The following CTNNA1 variants were observed in gnomAD, a reference collection of about 807,000 sequenced individuals.
CTNNA1 encodes catenin alpha 1.
In CTNNA1, 37 loss-of-function variants were observed where a neutral mutation model predicts 98.4. That is an observed-to-expected ratio of 0.38 (90% confidence interval 0.29 to 0.49). The LOEUF (loss-of-function observed/expected upper bound fraction) is 0.49. Among genes scored for constraint, CTNNA1 ranks in the 20% least tolerant of loss-of-function variants. The pLI, the probability that CTNNA1 is intolerant of heterozygous loss-of-function variation, is 0.95. For synonymous variants in CTNNA1, 404 were observed against 413.2 expected (o/e 0.98, Z 0.27); for missense variants, 761 against 1,147.2 (o/e 0.66, Z 4.86).
chr5:138,866,033 G>T (rs1363240503), intron 7 of CTNNA1, among the ~76,000 whole-genome samples: 1 of 152,150 alleles, frequency 6.6e-6, no homozygotes, highest in Non-Finnish European at 1.5e-5. Context: ...TGCAGAGGCT[G>T]GGTGTGGTGG....
chr5:138,785,130 C>T (rs1479144265), intron 3 of CTNNA1, among the ~76,000 whole-genome samples: 1 of 146,592 alleles, frequency 6.8e-6, no homozygotes, highest in African/African-American at 2.5e-5. Flanking sequence ...GGCGGGATCT[C>T]GGCTCACTTC....
chr5:138,925,479 T>G (rs1311078437), intron 13 of CTNNA1, 72 bp downstream of exon 13: 3 of 1,561,106 alleles, frequency 1.9e-6, no homozygotes, highest in African/African-American at 1.4e-5. Flanking sequence ...AATGCGTCAT[T>G]CTAGAACTCG....
chr5:138,754,681 T>C (rs912985120), intron 1 of CTNNA1: 2 of 152,250 alleles, frequency 1.3e-5, no homozygotes, highest in African/African-American at 4.8e-5. Flanking sequence ...GGATGTGTTA[T>C]TTTGTTTTAC....
intron 6 of CTNNA1, among the ~76,000 whole-genome samples, chr5:138,825,500 G>GTTTTTTTTTTTTTTTTTTTTT (rs1274199102): frequency 7.7e-5 from 1 of 12,912 alleles, no homozygotes; most frequent in East Asian, 0.026. Flanking sequence ...TTTTTTTTTA[G>GTTTTTTTTTTTTTTTTTTTTT]GGCTTTAAAA....
chr5:138,789,309 A>G (rs1347237194), intron 3 of CTNNA1, among the ~76,000 whole-genome samples: 1 of 152,178 alleles, frequency 6.6e-6, no homozygotes, highest in Admixed American at 6.5e-5. Context: ...TTGAGCTTGC[A>G]CTGGATCTTG....
intron 4 of CTNNA1, 137 bp from the exon 5 acceptor site, chr5:138,812,046 C>G (rs1758870075): frequency 1.5e-6 from 1 of 674,640 alleles, no homozygotes; most frequent in East Asian, 2.7e-5. Context: ...TGTTAGAAGA[C>G]CATGCGCAAA....
chr5:138,891,997 A>G (rs1755474095), intron 9 of CTNNA1, among the ~76,000 whole-genome samples: 1 of 152,184 alleles, frequency 6.6e-6, no homozygotes, highest in South Asian at 2.1e-4. Flanking sequence ...AAAGAATGCA[A>G]CTGTTTGTCT....
chr5:138,810,009 C>T (rs2149726812), intron 3 of CTNNA1, 29 bp from the exon 4 acceptor site: 1 of 1,572,390 alleles, frequency 6.4e-7, no homozygotes, highest in Non-Finnish European at 8.7e-7. Context: ...TTCATTCTTG[C>T]TGAGTTTGTT....
chr5:138,889,201 G>A (rs752858961), intron 9 of CTNNA1, among the ~76,000 whole-genome samples: 2 of 152,156 alleles, frequency 1.3e-5, no homozygotes, highest in Non-Finnish European at 2.9e-5. Context: ...CCAGCCCAAG[G>A]CCTTGGGTAC....
At chr5:138,753,582 T>C in intron 1 of CTNNA1, 72 bp downstream of exon 1, 1 of 345,332 alleles carries the variant, frequency 2.9e-6, no homozygotes, top group Non-Finnish European at 5.2e-6. Context: ...GGCCGGGCCG[T>C]CCCAAGCTGG....
At chr5:138,817,138 C>T (rs1366074982) in intron 5 of CTNNA1, among the ~76,000 whole-genome samples, 1 of 152,210 alleles carries the variant, frequency 6.6e-6, no homozygotes, top group Non-Finnish European at 1.5e-5. Flanking sequence ...GTTGGCTCTT[C>T]ACTCTGTTGA....
At chr5:138,881,179 C>G (rs375054824) in intron 7 of CTNNA1, 3 of 452,572 alleles carry the variant, frequency 6.6e-6, no homozygotes, top group East Asian at 1.4e-4. Context: ...ATGCTTGTTG[C>G]GTTTGTCTGT....
chr5:138,759,980 C>CTTCTTTTTTTT (rs1752136893), intron 1 of CTNNA1, among the ~76,000 whole-genome samples: 1 of 61,232 alleles, frequency 1.6e-5, no homozygotes, highest in African/African-American at 7.8e-5. Flanking sequence ...AATTTCTTTC[C>CTTCTTTTTTTT]TTTTTTTTTT....
chr5:138,886,103 A>G, intron 7 of CTNNA1, 109 bp from the exon 8 acceptor site: 1 of 1,236,830 alleles, frequency 8.1e-7, no homozygotes, highest in Non-Finnish European at 1.1e-6. Flanking sequence ...CTTTGAGTTT[A>G]AGAAGTTGTA....
At chr5:138,785,700 A>G (rs973890771) in intron 3 of CTNNA1, among the ~76,000 whole-genome samples, 2 of 152,306 alleles carry the variant, frequency 1.3e-5, no homozygotes, top group East Asian at 3.9e-4. Context: ...AGCTGGGATT[A>G]CAGGCATATG....
rs1580983970 is a variant in CTNNA1, at chr5:138,783,191, A to T, written c.120A>T (p.Val40=). Residue 40 remains valine, a synonymous_variant, in exon 3 of 18, where the codon GTA becomes GTT. Coordinates refer to ENST00000302763, the MANE Select transcript of CTNNA1 (RefSeq NM_001903.5). Reference sequence around the variant, plus strand: ...GAAACTTTTAGGTTACAACCCTTGTAAACACCAATAGTAAAGGGCCCTCTA... The same window carrying T: ...GAAACTTTTAGGTTACAACCCTTGTTAACACCAATAGTAAAGGGCCCTCTA... ...EPLVTQVTTL[V]NTNSKGPSNK... 19 of 1,607,302 alleles carry T rather than the reference A, an allele frequency of 1.2e-5. No homozygotes were observed. Among genetic ancestry groups the T allele is most frequent in the Non-Finnish European group, 1.6e-5 (19 of 1,176,784 alleles).
intron 7 of CTNNA1, among the ~76,000 whole-genome samples, chr5:138,835,920 A>G (rs1410677760): frequency 6.6e-6 from 1 of 152,184 alleles, no homozygotes; most frequent in African/African-American, 2.4e-5. Context: ...ATCACAGCTC[A>G]CTGCAACCTC....
intron 8 of CTNNA1, 57 bp from the exon 9 acceptor site, chr5:138,887,433 T>C: frequency 5.3e-6 from 7 of 1,311,538 alleles, no homozygotes; most frequent in Non-Finnish European, 7.4e-6. Context: ...TAAAAAGCAA[T>C]CTATTTAATA....
chr5:138,904,356 A>G lies in CTNNA1; in HGVS notation c.1304A>G (p.Asn435Ser), dbSNP rs752913534. 35 of 1,612,646 alleles carry G rather than the reference A, an allele frequency of 2.2e-5. 1 individual carries two copies. In the South Asian group the frequency reaches 3.3e-4, roughly 15 times the overall value. ...TATTTTTTATGTTTATAGGTTGCCA[A>G]CTTGGCCTGTTCCATCTCAAATAAT... The part of the protein sequence containing the change: ...EHANKLIEVA[N>S]LACSISNNEE... Residue 435 changes from asparagine (N) to serine (S), a missense_variant, in exon 10 of 18, where the codon AAC becomes AGC. Coordinates refer to ENST00000302763, the MANE Select transcript of CTNNA1 (RefSeq NM_001903.5).
Sources: gnomAD v4.1 joint callset for allele counts (sites outside exome capture counted in the v4.1 genomes callset) on GRCh38, gnomAD v4.1.1 for gene constraint, MANE v1.5 for transcripts, NCBI Gene and HGNC (gene_info 2026-07-23, HGNC 2026-07-21) for gene names.